Variants in MYO16 observed in about 807,000 individuals in gnomAD.
The protein encoded by MYO16 is unconventional myosin-XVI.
A neutral mutation model predicts 205.3 loss-of-function variants in MYO16; 94 were observed. That is an observed-to-expected ratio of 0.46 (90% CI 0.39 to 0.54). The LOEUF (loss-of-function observed/expected upper bound fraction) is 0.54. Ranked by LOEUF, MYO16 falls within the 20% of genes least tolerant of loss-of-function variation. The pLI, the probability that MYO16 is intolerant of heterozygous loss-of-function variation, is 0.00. For synonymous variants in MYO16, 988 were observed against 954.0 expected (o/e 1.04, Z -0.66); for missense variants, 2,315 against 2,387.5 (o/e 0.97, Z 0.63).
At chr13:108,926,215 C>G (rs1032106570) in intron 16 of MYO16, among the ~76,000 whole-genome samples, 26 of 152,188 alleles carry the variant, frequency 1.7e-4, no homozygotes, top group African/African-American at 5.8e-4. Flanking sequence ...TCTAGAAGAC[C>G]AGCCATCCAA....
chr13:109,154,819 A>G (rs550378293), intron 32 of MYO16, among the ~76,000 whole-genome samples: 1 of 151,514 alleles, frequency 6.6e-6, no homozygotes, highest in South Asian at 2.1e-4. Context: ...CAGCAATATA[A>G]ATAACCTCAT....
Position 109,141,217 on chromosome 13 carries a change from G to T in MYO16, c.5005G>T (p.Ala1669Ser). ...YSPVKATRAD[A>S]RKAGSSASPP... The stretch of plus-strand genomic sequence containing the variant: ...CCCCGTGAAGGCCACCAGGGCGGAC[G>T]CCAGGAAGGCCGGCTCCAGTGCCTC... Residue 1669 changes from alanine to serine, a missense_variant, in exon 32 of 35, where the codon GCC (alanine) becomes TCC (serine). By Grantham distance (99) the Ala-to-Ser change is moderately conservative. This residue lies in a region of MYO16 where 1,097 missense variants were observed against 1,092.0 expected (regional missense o/e 1.00). Transcript: ENST00000457511. The surrounding 1 kb of genome is among the most constrained non-coding windows in gnomAD (Gnocchi z 4.1). 2 of 1,606,212 alleles carry T rather than the reference G, an allele frequency of 1.2e-6. No homozygotes were observed. Among genetic ancestry groups the T allele is most frequent in the Non-Finnish European group, 1.7e-6 (2 of 1,176,388 alleles).
At chr13:109,163,169 A>T (rs199814140) in intron 32 of MYO16, among the ~76,000 whole-genome samples, 28 of 33,924 alleles carry the variant, frequency 8.3e-4, no homozygotes, top group Non-Finnish European at 1.8e-3. Flanking sequence ...CTTTCTGGGC[A>T]GAACAGGCTG....
At chr13:108,600,933 A>G (rs1566498943) in intron 1 of MYO16, among the ~76,000 whole-genome samples, 1 of 152,058 alleles carries the variant, frequency 6.6e-6, no homozygotes, top group Non-Finnish European at 1.5e-5. Context: ...TTTTTATGCC[A>G]CTTATCCTCA....
At chr13:108,798,688 ATTTTTTTTT>A (rs35432777) in intron 6 of MYO16, among the ~76,000 whole-genome samples, 69 of 70,366 alleles carry the variant, frequency 9.8e-4, no homozygotes, top group African/African-American at 4.0e-3. Context: ...CCCGAGGCTT[ATTTTTTTTT>A]TTTTTTTTTT....
In MYO16 at chr13:108,992,402, T is replaced by C. The variant is rs1431420923; in HGVS notation, c.2396T>C (p.Leu799Ser). ...KSMQTLDIGI[L>S]DIFGFEEFQK... ...ATGCAGACATTGGATATTGGAATAT[T>C]GGACATTTTTGGTTTTGAAGAGTTT... The change falls in exon 21 of 35, where the codon TTG becomes TCG. Residue 799 changes from leucine (L) to serine (S), a missense_variant. Transcript: ENST00000457511. 1.9e-6 allele frequency: 3 copies of C among 1,610,200 alleles called. No homozygotes were observed. Among genetic ancestry groups the C allele is most frequent in the Admixed American group, 3.3e-5 (2 of 59,842 alleles).
intron 16 of MYO16, among the ~76,000 whole-genome samples, chr13:108,920,172 C>T (rs1289852496): frequency 1.3e-5 from 2 of 152,174 alleles, no homozygotes; most frequent in Non-Finnish European, 2.9e-5. Flanking sequence ...TGAAGGACCA[C>T]GACGCAGATG....
chr13:109,133,174 A>G (rs1353607246), intron 31 of MYO16, among the ~76,000 whole-genome samples: 1 of 152,226 alleles, frequency 6.6e-6, no homozygotes, highest in Admixed American at 6.5e-5. Context: ...AATCTATCCT[A>G]CATCCACTCA....
chr13:108,723,421 T>A (rs1232352299), intron 3 of MYO16, among the ~76,000 whole-genome samples: 2 of 152,166 alleles, frequency 1.3e-5, no homozygotes, highest in Non-Finnish European at 2.9e-5. Context: ...TACTAAGATT[T>A]TCTGTTATGT....
chr13:109,174,230 TA>T (rs1383344708), intron 33 of MYO16, among the ~76,000 whole-genome samples: 1 of 152,148 alleles, frequency 6.6e-6, no homozygotes, highest in East Asian at 1.9e-4. Flanking sequence ...GTTAATTCTA[TA>T]AGCGGATTTG....
chr13:109,024,881 A>C lies in MYO16; in HGVS notation c.2796+4970A>C, dbSNP rs181417042. On this transcript the variant is annotated intron_variant, in intron 23 of 34. Transcript: ENST00000457511. ...TGAATAATCAAATGTAGACACATAC[A>C]CTTAAATTTTGAGCTACTGCAGTTT... 7.7e-3 allele frequency among the ~76,000 whole-genome samples: 1,170 copies of C among 152,288 alleles called. 9 individuals carry two copies. The highest frequency in any genetic ancestry group is 0.013 in the Non-Finnish European group (894 of 68,012).
At position 108,968,146 on chromosome 13, in the gene MYO16, G is replaced by A. The variant is rs1053020673; in HGVS notation, c.2369+3244G>A. ...CACAGACAGAGCGTCAGCCTCTCACGGCAGTACCTGTGCTCTCCTCACCGT... is the reference window on the plus strand; with the variant it reads ...CACAGACAGAGCGTCAGCCTCTCACAGCAGTACCTGTGCTCTCCTCACCGT... On this transcript the variant is annotated intron_variant, in intron 20 of 34. Transcript: ENST00000457511. Among the ~76,000 whole-genome samples, 16 of 152,096 alleles carry A rather than the reference G, an allele frequency of 1.1e-4. 1 individual carries two copies. Among genetic ancestry groups the A allele is most frequent in the South Asian group, 6.2e-4 (3 of 4,830 alleles).
At chr13:109,169,958 G>T (rs948642643) in intron 33 of MYO16, among the ~76,000 whole-genome samples, 1 of 152,182 alleles carries the variant, frequency 6.6e-6, no homozygotes, top group Non-Finnish European at 1.5e-5. Flanking sequence ...AGTGAAACTC[G>T]ACTCTGCCTA....
chr13:109,147,389 G>A (rs1429047767), intron 32 of MYO16, among the ~76,000 whole-genome samples: 1 of 152,180 alleles, frequency 6.6e-6, no homozygotes, highest in Non-Finnish European at 1.5e-5. Context: ...GGAAACCTGG[G>A]ATGTGCTCCA....
rs200262468 is a variant in MYO16, at chr13:108,605,333, GA to G, written c.-39+9102del. ...ACTCATCATCTGATTTGCTCCATGT[GA>G]AAAAAAATCCCTTCCAATGTCCAAG... On this transcript the variant is annotated intron_variant, in intron 1 of 24. Transcript: ENST00000251041. Among the ~76,000 whole-genome samples the G allele has an allele frequency of 2.6e-5, 4 of 151,848 alleles. No individual in the cohort carries two copies. In the East Asian group the frequency reaches 7.7e-4, roughly 29 times the overall value.
intron 28 of MYO16, among the ~76,000 whole-genome samples, chr13:109,107,150 T>C (rs1025777949): frequency 6.6e-6 from 1 of 152,188 alleles, no homozygotes; most frequent in Non-Finnish European, 1.5e-5. Flanking sequence ...AGAGAGGCTC[T>C]GAAAGAAATA....
Position 108,897,982 on chromosome 13 carries a change from G to A in MYO16, c.1660-34G>A, listed in dbSNP as rs1409037211. 2.1e-6 allele frequency: 3 copies of A among 1,461,850 alleles called. No individual in the cohort carries two copies. The South Asian group carries it at 3.4e-5, about 17-fold the overall frequency. The allele number at this position is 1,461,850 out of a possible 1,614,324, so 90.6% of individuals were successfully genotyped here. ...TCATCAATTTTATTTCTTAAAATAT[G>A]AGCAGTTCAGTAAAATGTTCTCCTC... On this transcript the variant is annotated intron_variant, in intron 14 of 34. Transcript: ENST00000457511.
intron 23 of MYO16, among the ~76,000 whole-genome samples, chr13:109,029,394 G>A (rs1594485264): frequency 6.6e-6 from 1 of 151,886 alleles, no homozygotes; most frequent in Non-Finnish European, 1.5e-5. Flanking sequence ...ACATGCTTGC[G>A]GGATCTCTGT....
At chr13:108,560,943 T>A in the MYO16 span, among the ~76,000 whole-genome samples, 1 of 152,168 alleles carries the variant, frequency 6.6e-6, no homozygotes, top group Non-Finnish European at 1.5e-5. Context: ...TGTTATAGAG[T>A]TATTAGATAT....
Sources: gnomAD v4.1 joint callset for allele counts (sites outside exome capture counted in the v4.1 genomes callset) on GRCh38, gnomAD v4.1.1 for gene constraint, gnomAD v4.1.1 regional missense constraint, Gnocchi (gnomAD v3.1) non-coding constraint, MANE v1.5 for transcripts, NCBI Gene and HGNC (gene_info 2026-07-23, HGNC 2026-07-21) for gene names.